TNRC18: variants seen among roughly 807,000 people sequenced by gnomAD.
The protein encoded by TNRC18 is trinucleotide repeat-containing gene 18 protein.
In TNRC18, 69 loss-of-function variants were observed where a neutral mutation model predicts 226.7. That is an observed-to-expected ratio of 0.30 (90% CI 0.25 to 0.37). The LOEUF is 0.37. TNRC18 is among the 10% of genes least tolerant of loss of function. The pLI, the probability that TNRC18 is intolerant of heterozygous loss-of-function variation, is 1.00. For synonymous variants in TNRC18, 2,449 were observed against 1,927.6 expected, an observed-to-expected ratio of 1.27 and a Z score of -7.09; for missense variants, 4,754 against 4,256.6, an observed-to-expected ratio of 1.12 and a Z score of -3.25.
At chr7:5,345,517 G>GGGGGGGCCCCCCCCCCCCCCCCC in intron 18 of TNRC18, 45 bp downstream of exon 18, 3 of 377,738 alleles carry the variant, frequency 7.9e-6, no homozygotes, top group Non-Finnish European at 1.4e-5. Context: ...AATGGCGTCC[G>GGGGGGGCCCCCCCCCCCCCCCCC]CCCCTCCCAC....
chr7:5,389,461 G>GT (rs754143983), intron 4 of TNRC18, 125 bp from the exon 5 acceptor site: 13,684 of 535,642 alleles, frequency 0.026, 8 homozygotes, highest in South Asian at 0.034. Context: ...TTTGGTTTTG[G>GT]TTTTTTTTTT....
At chr7:5,421,885 G>A (rs2128226633) in intron 1 of TNRC18, among the ~76,000 whole-genome samples, 1 of 152,238 alleles carries the variant, frequency 6.6e-6, no homozygotes, top group South Asian at 2.1e-4. Context: ...GTGAAGCCTT[G>A]CCACAAACGG....
chr7:5,409,803 C>G (rs1342644393), intron 2 of TNRC18, among the ~76,000 whole-genome samples: 1 of 139,950 alleles, frequency 7.1e-6, no homozygotes, highest in Non-Finnish European at 1.5e-5. Context: ...GGTGAAACCC[C>G]GTCTCTACTA....
rs368682637 is a variant in TNRC18, at chr7:5,388,285, G to A, written c.1539C>T (p.Phe513=). ...PTGPEHKWKP[F]ELGNFAATQM... Reference sequence around the variant, plus strand: ...GCGTGGCGGCGAAGTTGCCCAGCTCGAAGGGTTTCCATTTATGCTCAGGGC... The same window carrying A: ...GCGTGGCGGCGAAGTTGCCCAGCTCAAAGGGTTTCCATTTATGCTCAGGGC... The change falls in exon 5 of 30, where the codon TTC becomes TTT. Residue 513 remains phenylalanine (F), a synonymous_variant. Transcript: ENST00000430969. 4 of 1,606,820 alleles carry A rather than the reference G, an allele frequency of 2.5e-6. No homozygotes were observed. The highest frequency in any genetic ancestry group is 1.7e-5 in the Admixed American group (1 of 59,618).
chr7:5,371,784 A>C (rs1381834213), intron 10 of TNRC18, among the ~76,000 whole-genome samples: 1 of 151,572 alleles, frequency 6.6e-6, no homozygotes, highest in Non-Finnish European at 1.5e-5. Context: ...AAAATCTAAC[A>C]GCAGAGCCAG....
intron 27 of TNRC18, among the ~76,000 whole-genome samples, chr7:5,311,730 A>G (rs1787230234): frequency 6.6e-6 from 1 of 151,920 alleles, no homozygotes; most frequent in Admixed American, 6.6e-5. Context: ...AGGCGGGAAA[A>G]CTGCTTGGGC....
Position 5,306,877 on chromosome 7 carries a change from T to A in TNRC18, c.*1229A>T, listed in dbSNP as rs1356230018. ...AACAAACAAAATTCCAAAAGAAACATAAAAAAAAAAACCAATAATTCCCCC... is the reference window on the plus strand; with the variant it reads ...AACAAACAAAATTCCAAAAGAAACAAAAAAAAAAAAACCAATAATTCCCCC... On this transcript the variant is annotated 3_prime_UTR_variant, in exon 30 of 30. Transcript: ENST00000430969. 3.4e-5 allele frequency: 5 copies of A among 146,972 alleles called. No homozygotes were observed. The highest frequency in any genetic ancestry group is 2.1e-4 in the South Asian group (1 of 4,710). The allele number at this position is 146,972 out of a possible 1,614,324, so 9.1% of individuals were successfully genotyped here.
At chr7:5,323,832 T>G (rs1020265639) in intron 21 of TNRC18, among the ~76,000 whole-genome samples, 1 of 152,102 alleles carries the variant, frequency 6.6e-6, no homozygotes, top group Non-Finnish European at 1.5e-5. Flanking sequence ...TCTCCTAAAG[T>G]GCTGGGATTA....
intron 17 of TNRC18, among the ~76,000 whole-genome samples, chr7:5,350,205 G>C (rs1314022502): frequency 6.6e-6 from 1 of 152,018 alleles, no homozygotes; most frequent in Non-Finnish European, 1.5e-5. Context: ...GCAGGGGGAG[G>C]CCTCGGAAAA....
chr7:5,376,006 G>A, intron 9 of TNRC18, 28 bp downstream of exon 9: 2 of 1,565,246 alleles, frequency 1.3e-6, no homozygotes, highest in East Asian at 2.4e-5. Flanking sequence ...CCCCCAGAGG[G>A]AGCTGCGCCT....
At chr7:5,401,902 G>C (rs966276215) in intron 2 of TNRC18, among the ~76,000 whole-genome samples, 1 of 152,266 alleles carries the variant, frequency 6.6e-6, no homozygotes, top group South Asian at 2.1e-4. Flanking sequence ...TTGGCCGGGC[G>C]TGGTGGCTCA....
At chr7:5,352,723 G>A (rs182710765) in intron 16 of TNRC18, among the ~76,000 whole-genome samples, 83 of 152,364 alleles carry the variant, frequency 5.4e-4, no homozygotes, top group Non-Finnish European at 1.1e-3. Flanking sequence ...ACTATACAAC[G>A]GAGGACAAGA....
Position 5,312,395 on chromosome 7 carries a change from G to T in TNRC18, c.8388+108C>A, listed in dbSNP as rs1787319913. On this transcript the variant is annotated intron_variant, in intron 27 of 29. Transcript: ENST00000430969. The surrounding 1 kb of genome is among the most constrained non-coding windows in gnomAD (Gnocchi z 6.3). ...GTGGGACGCCAGCCCTCCACCCTGG[G>T]GTTCTGGGAGGTTACCACACACGGA... is the stretch of plus-strand genomic sequence containing the variant. 3 of 1,448,598 alleles carry T rather than the reference G, an allele frequency of 2.1e-6. No homozygotes were observed. The highest frequency in any genetic ancestry group is 2.7e-6 in the Non-Finnish European group (3 of 1,101,556). 89.7% of individuals were successfully genotyped at this position (1,448,598 alleles called of 1,614,324 possible).
intron 27 of TNRC18, among the ~76,000 whole-genome samples, chr7:5,310,897 T>C (rs1393313189): frequency 1.3e-5 from 2 of 152,236 alleles, no homozygotes; most frequent in East Asian, 3.8e-4. Flanking sequence ...TGTTCATCTG[T>C]GCATTTGTGC....
intron 16 of TNRC18, among the ~76,000 whole-genome samples, chr7:5,355,076 C>T (rs981189882): frequency 6.6e-6 from 1 of 152,210 alleles, no homozygotes; most frequent in Non-Finnish European, 1.5e-5. Context: ...AGAACAAACA[C>T]CACTGACACT....
At chr7:5,321,021 C>T (rs551487985) in intron 22 of TNRC18, 52 bp downstream of exon 22, 14 of 1,326,168 alleles carry the variant, frequency 1.1e-5, no homozygotes, top group African/African-American at 7.3e-5. Context: ...GGCCGGGACA[C>T]GGGGCGGGTA....
Position 5,312,801 on chromosome 7 carries a change from G to C in TNRC18, c.8090C>G (p.Ala2697Gly). Residue 2697 changes from alanine (A) to glycine (G), a missense_variant, in exon 27 of 30, where the codon GCG becomes GGG. By Grantham distance (60) the Ala-to-Gly change is moderately conservative. Transcript: ENST00000430969. The surrounding 1 kb of genome is among the most constrained non-coding windows in gnomAD (Gnocchi z 6.3). ...CTTGGTGGCCTTGGTGGGGAGCGCC[G>C]CCTGCGCGGAAGGGCCAGCCGTGGG... Reference protein sequence around the residue: ...PAPTAGPSAQAALPTKATKQA... With the variant: ...PAPTAGPSAQGALPTKATKQA... 6.5e-7 allele frequency: 1 copy of C among 1,534,722 alleles called. No homozygotes were observed. The highest frequency in any genetic ancestry group is 1.3e-5 in the South Asian group (1 of 77,748).
chr7:5,309,270 A>G lies in TNRC18; in HGVS notation c.8487T>C (p.Ser2829=). 1.9e-6 allele frequency: 3 copies of G among 1,613,884 alleles called. No homozygotes were observed. Among genetic ancestry groups the G allele is most frequent in the Non-Finnish European group, 2.5e-6 (3 of 1,179,802 alleles). Residue 2829 remains serine, a synonymous_variant, in exon 28 of 30, where the codon TCT becomes TCC. Transcript: ENST00000430969. The surrounding 1 kb of genome is among the most constrained non-coding windows in gnomAD (Gnocchi z 5.7). The part of the protein sequence containing the change: ...IRIGDCAVFL[S]AGRPNLPYIG... ...TGTAGGGCAGGTTGGGGCGGCCGGC[A>G]GAGAGGAACACGGCACAGTCCCCGA...
intron 5 of TNRC18, among the ~76,000 whole-genome samples, chr7:5,382,916 G>C (rs1328195833): frequency 1.3e-5 from 2 of 152,148 alleles, no homozygotes; most frequent in African/African-American, 4.8e-5. Flanking sequence ...TTTTGGGGTG[G>C]GGGCAGGATC....
Sources: allele counts gnomAD v4.1 joint callset (sites outside exome capture counted in the v4.1 genomes callset), GRCh38; gene constraint gnomAD v4.1.1; non-coding constraint Gnocchi (gnomAD v3.1); transcripts MANE v1.5; gene names NCBI Gene and HGNC (gene_info 2026-07-23, HGNC 2026-07-21).